Variants in SPOCK1 observed in about 807,000 individuals in gnomAD.
SPOCK1 encodes SPARC (osteonectin), cwcv and kazal like domains proteoglycan 1.
Under a neutral mutation model 55.3 loss-of-function variants are expected in SPOCK1, and 23 were observed. The ratio of observed to expected loss-of-function variants is 0.42; its 90% CI spans 0.30 to 0.59. The LOEUF (loss-of-function observed/expected upper bound fraction) is 0.59. Ranked by LOEUF, SPOCK1 falls within the 20% of genes least tolerant of loss-of-function variation. The pLI, the probability that SPOCK1 is intolerant of heterozygous loss-of-function variation, is 0.22. For synonymous variants in SPOCK1, 226 were observed against 221.0 expected (o/e 1.02, Z -0.20); for missense variants, 499 against 552.5 (o/e 0.90, Z 0.97).
intron 5 of SPOCK1, among the ~76,000 whole-genome samples, chr5:137,083,876 C>G (rs1752915628): frequency 6.6e-6 from 1 of 151,982 alleles, no homozygotes; most frequent in Non-Finnish European, 1.5e-5. Context: ...AAGAATCCTC[C>G]TGGGCTCTGG....
At chr5:137,435,642 A>T (rs1561535214) in intron 2 of SPOCK1, among the ~76,000 whole-genome samples, 1 of 152,220 alleles carries the variant, frequency 6.6e-6, no homozygotes. Flanking sequence ...AGTGGGAGGC[A>T]TTGAAAGGCT....
intron 3 of SPOCK1, among the ~76,000 whole-genome samples, chr5:137,234,494 C>T (rs1052510000): frequency 2.8e-4 from 43 of 152,272 alleles, no homozygotes; most frequent in African/African-American, 9.1e-4. Context: ...CTATTTCCAG[C>T]GTTTATTATC....
At chr5:137,301,240 G>T (rs1244400993) in intron 2 of SPOCK1, among the ~76,000 whole-genome samples, 2 of 152,170 alleles carry the variant, frequency 1.3e-5, no homozygotes, top group African/African-American at 4.8e-5. Context: ...CACACCTGCA[G>T]GATCTTCTCC....
intron 6 of SPOCK1, among the ~76,000 whole-genome samples, chr5:137,026,621 C>CCACA (rs149820839): frequency 6.6e-6 from 1 of 152,094 alleles, no homozygotes; most frequent in South Asian, 2.1e-4. Flanking sequence ...CTTTTTCTGT[C>CCACA]CACACACACA....
chr5:137,458,902 T>C (rs562521074), intron 2 of SPOCK1, among the ~76,000 whole-genome samples: 2 of 152,330 alleles, frequency 1.3e-5, no homozygotes, highest in South Asian at 4.1e-4. Flanking sequence ...TCTAAGCCCA[T>C]AAAGATGGGC....
intron 2 of SPOCK1, among the ~76,000 whole-genome samples, chr5:137,490,518 T>C (rs575258730): frequency 6.6e-6 from 1 of 152,128 alleles, no homozygotes; most frequent in African/African-American, 2.4e-5. Flanking sequence ...TCAAAATGGA[T>C]CCCATCCCCT....
intron 6 of SPOCK1, among the ~76,000 whole-genome samples, chr5:137,034,418 C>T (rs144919674): frequency 5.9e-5 from 9 of 152,206 alleles, no homozygotes; most frequent in South Asian, 2.1e-4. Flanking sequence ...TGGCATTCTC[C>T]GAGGCAGAGC....
In SPOCK1 at chr5:136,978,339, T is replaced by G. The variant is rs907047758; in HGVS notation, c.*315A>C. 2.3e-5 allele frequency: 8 copies of G among 349,492 alleles called. No homozygotes were observed. Among genetic ancestry groups the G allele is most frequent in the African/African-American group, 1.7e-4 (8 of 47,474 alleles). 21.6% of individuals were successfully genotyped at this position (349,492 alleles called of 1,614,324 possible). On this transcript the variant is annotated 3_prime_UTR_variant, in exon 11 of 11. Transcript: ENST00000394945. ...TTAAGAGGGTTGGGGCTCCCTGCACTGTCAGAATTCCACGTAAATCACATG... is the reference window on the plus strand; with the variant it reads ...TTAAGAGGGTTGGGGCTCCCTGCACGGTCAGAATTCCACGTAAATCACATG...
chr5:137,057,457 G>C (rs1000442944), intron 6 of SPOCK1, among the ~76,000 whole-genome samples: 1 of 152,138 alleles, frequency 6.6e-6, no homozygotes, highest in Non-Finnish European at 1.5e-5. Flanking sequence ...TATTCCTCAA[G>C]TTAAATTATC....
At chr5:137,170,562 G>C (rs1425779233) in intron 3 of SPOCK1, among the ~76,000 whole-genome samples, 1 of 149,764 alleles carries the variant, frequency 6.7e-6, no homozygotes, top group East Asian at 2.0e-4. Context: ...TATAAGAATA[G>C]GAGAGACACG....
At chr5:136,979,802 C>CT (rs960483369) in intron 9 of SPOCK1, among the ~76,000 whole-genome samples, 2 of 152,158 alleles carry the variant, frequency 1.3e-5, no homozygotes, top group African/African-American at 4.8e-5. Flanking sequence ...TCCCACAACT[C>CT]TAAGAGATAC....
intron 3 of SPOCK1, among the ~76,000 whole-genome samples, chr5:137,239,849 T>C (rs577026424): frequency 4.1e-4 from 63 of 152,140 alleles, no homozygotes; most frequent in Non-Finnish European, 4.9e-4. Flanking sequence ...ATAAAAATGG[T>C]AAGAAGCACT....
At chr5:137,315,440 G>A (rs1757861426) in intron 2 of SPOCK1, among the ~76,000 whole-genome samples, 2 of 152,130 alleles carry the variant, frequency 1.3e-5, no homozygotes, top group South Asian at 2.1e-4. Context: ...AGCAGATATG[G>A]CATCCCACAA....
intron 2 of SPOCK1, among the ~76,000 whole-genome samples, chr5:137,344,311 A>G (rs1200348384): frequency 6.6e-6 from 1 of 152,192 alleles, no homozygotes; most frequent in Non-Finnish European, 1.5e-5. Flanking sequence ...AATCAAAACA[A>G]AGGTCATAAA....
intron 2 of SPOCK1, among the ~76,000 whole-genome samples, chr5:137,362,386 G>C (rs113085284): frequency 0.011 from 1,582 of 148,936 alleles, 34 homozygotes; most frequent in African/African-American, 0.037. Context: ...CTGGAGTGCA[G>C]TGGCATGATC....
chr5:137,340,910 G>A (rs1282809819), intron 2 of SPOCK1, among the ~76,000 whole-genome samples: 2 of 151,678 alleles, frequency 1.3e-5, no homozygotes, highest in East Asian at 3.9e-4. Flanking sequence ...AGAAGATTGA[G>A]GCCCACAGTG....
intron 2 of SPOCK1, among the ~76,000 whole-genome samples, chr5:137,496,379 A>C (rs1404819274): frequency 6.6e-6 from 1 of 152,274 alleles, no homozygotes; most frequent in Admixed American, 6.5e-5. Context: ...GCAGGAATTC[A>C]GAATATCATG....
chr5:137,069,185 C>T lies in SPOCK1; in HGVS notation c.475-1356G>A, dbSNP rs116609598. Among the ~76,000 whole-genome samples, 1,437 of 152,288 alleles carry T rather than the reference C, an allele frequency of 9.4e-3. 27 individuals are homozygous for T. Among genetic ancestry groups the T allele is most frequent in the African/African-American group, 0.033 (1,374 of 41,560 alleles). On this transcript the variant is annotated intron_variant, in intron 5 of 10. Transcript: ENST00000394945. ...ATTCAGTCCCTATACCGATTAGAAA[C>T]GGAGGGAAAGAATACTTTAAACCTG...
At chr5:137,453,895 T>C (rs910591433) in intron 2 of SPOCK1, among the ~76,000 whole-genome samples, 13 of 151,904 alleles carry the variant, frequency 8.6e-5, no homozygotes, top group African/African-American at 3.1e-4. Context: ...TGTAGTGGAG[T>C]CCCCTTATTC....
Sources: allele counts gnomAD v4.1 joint callset (sites outside exome capture counted in the v4.1 genomes callset), GRCh38; gene constraint gnomAD v4.1.1; transcripts MANE v1.5; gene names NCBI Gene and HGNC (gene_info 2026-07-23, HGNC 2026-07-21).